Variants in CDK8 observed in about 807,000 individuals in gnomAD.
The protein encoded by CDK8 is cyclin dependent kinase 8.
In CDK8, 29 loss-of-function variants were observed where a neutral mutation model predicts 71.5. That is an observed-to-expected ratio of 0.41 (90% CI 0.30 to 0.55). The LOEUF (loss-of-function observed/expected upper bound fraction) is 0.55. Ranked by LOEUF, CDK8 falls within the 20% of genes least tolerant of loss-of-function variation. The pLI is 0.37. For missense variants in CDK8, 288 were observed against 572.6 expected, an observed-to-expected ratio of 0.50 and a Z score of 5.07; for synonymous variants, 161 against 192.1, an observed-to-expected ratio of 0.84 and a Z score of 1.34.
intron 1 of CDK8, among the ~76,000 whole-genome samples, chr13:26,329,145 T>C (rs1875169983): frequency 6.6e-6 from 1 of 152,184 alleles, no homozygotes. Flanking sequence ...TTTTAAAAAT[T>C]CCCTTTACCA....
intron 1 of CDK8, among the ~76,000 whole-genome samples, chr13:26,328,890 A>G (rs928048207): frequency 6.6e-6 from 1 of 152,012 alleles, no homozygotes; most frequent in Non-Finnish European, 1.5e-5. Flanking sequence ...CTGTTCTAGG[A>G]TATCTCCTCC....
rs140447197 is a variant in CDK8 at position 26,263,431 on chromosome 13, G to A, written c.128+8662G>A. ...TTACAGGCGTGAGCCACCGCGCCCG[G>A]CCGGGAGTAGGTATTACCTTTTTTT... On this transcript the variant is annotated intron_variant, in intron 1 of 12. Coordinates refer to ENST00000381527, the MANE Select transcript of CDK8 (RefSeq NM_001260.3). 1.7e-4 allele frequency among the ~76,000 whole-genome samples: 26 copies of A among 152,118 alleles called. 1 individual carries two copies. In the East Asian group the frequency reaches 5.0e-3, roughly 30 times the overall value.
chr13:26,254,622 C>T lies in CDK8; in HGVS notation c.-20C>T, dbSNP rs376467833. ...CCCCCGGCCCCCCGACCCAGCTCTC[C>T]GGCCTCAGAGGCTGTGACAATGGAC... is the stretch of plus-strand genomic sequence containing the variant. On this transcript the variant is annotated 5_prime_UTR_variant, in exon 1 of 13. Coordinates refer to ENST00000381527, the MANE Select transcript of CDK8 (RefSeq NM_001260.3). The surrounding 1 kb of genome is among the most constrained non-coding windows in gnomAD (Gnocchi z 6.7). 53 of 1,580,564 alleles carry T rather than the reference C, an allele frequency of 3.4e-5. 1 individual carries two copies. Among genetic ancestry groups the T allele is most frequent in the Non-Finnish European group, 4.4e-5 (51 of 1,164,094 alleles).
At chr13:26,288,571 A>G (rs1226849746) in intron 1 of CDK8, among the ~76,000 whole-genome samples, 7 of 151,588 alleles carry the variant, frequency 4.6e-5, no homozygotes, top group Non-Finnish European at 1.0e-4. Flanking sequence ...ATTTGCTTAT[A>G]AATTTCTACC....
intron 4 of CDK8, among the ~76,000 whole-genome samples, chr13:26,372,843 T>A (rs1874755098): frequency 6.6e-6 from 1 of 152,190 alleles, no homozygotes; most frequent in Non-Finnish European, 1.5e-5. Flanking sequence ...ACCATCACTC[T>A]CTTCTTTAAA....
chr13:26,294,852 C>T (rs1039917936), intron 1 of CDK8, among the ~76,000 whole-genome samples: 1 of 151,870 alleles, frequency 6.6e-6, no homozygotes, highest in Non-Finnish European at 1.5e-5. Flanking sequence ...TGGGTTCAAG[C>T]GATTACCCCG....
chr13:26,276,529 A>G (rs898681407), intron 1 of CDK8, among the ~76,000 whole-genome samples: 4 of 152,244 alleles, frequency 2.6e-5, no homozygotes, highest in Non-Finnish European at 5.9e-5. Context: ...TCCAGCTATC[A>G]TAAGGGCATA....
In CDK8 at chr13:26,366,011, T is replaced by C. The variant is rs529721398; in HGVS notation, c.456+12131T>C. Among the ~76,000 whole-genome samples, 44 of 152,248 alleles carry C rather than the reference T, an allele frequency of 2.9e-4. 1 individual carries two copies. The South Asian group carries it at 8.7e-3, about 30-fold the overall frequency. On this transcript the variant is annotated intron_variant, in intron 4 of 12. Coordinates refer to ENST00000381527, the MANE Select transcript of CDK8 (RefSeq NM_001260.3). ...AAAAATTAATATCTCAGTCTAACTT[T>C]CTAGTAATAGAGTCAGGTTTTAGAG...
At chr13:26,378,893 A>C (rs141777690) in intron 4 of CDK8, among the ~76,000 whole-genome samples, 1 of 152,348 alleles carries the variant, frequency 6.6e-6, no homozygotes, top group East Asian at 1.9e-4. Flanking sequence ...GGGCGAGTAG[A>C]ATATTGTTTC....
At chr13:26,276,556 T>C (rs766427520) in intron 1 of CDK8, among the ~76,000 whole-genome samples, 7 of 152,212 alleles carry the variant, frequency 4.6e-5, no homozygotes, top group Non-Finnish European at 8.8e-5. Context: ...ACATGTACTT[T>C]AATATATTTT....
intron 1 of CDK8, among the ~76,000 whole-genome samples, chr13:26,323,338 AGG>A (rs1300550069): frequency 0.21 from 1,123 of 5,442 alleles, 19 homozygotes; most frequent in East Asian, 0.49. Flanking sequence ...GGAGAGAGAG[AGG>A]GAGAGGGAGA....
chr13:26,333,011 C>T (rs1872823099), intron 1 of CDK8, among the ~76,000 whole-genome samples: 1 of 152,168 alleles, frequency 6.6e-6, no homozygotes. Context: ...ATGTGACAGG[C>T]CGTAGTCACA....
At position 26,309,240 on chromosome 13, in the gene CDK8, C is replaced by T. The variant is rs560798536; in HGVS notation, c.129-28327C>T. 7.2e-5 allele frequency among the ~76,000 whole-genome samples: 11 copies of T among 151,764 alleles called. No individual in the cohort carries two copies. The East Asian group carries it at 7.8e-4, about 11-fold the overall frequency. ...CTGCAAGCTCCGCCTCCCAGGTTCACGCCATTCTCCTGCCTCAGCCTCCCG... is the reference window on the plus strand; with the variant it reads ...CTGCAAGCTCCGCCTCCCAGGTTCATGCCATTCTCCTGCCTCAGCCTCCCG... On this transcript the variant is annotated intron_variant, in intron 1 of 12. Transcript: ENST00000381527.
At chr13:26,368,957 C>G (rs1387869841) in intron 4 of CDK8, among the ~76,000 whole-genome samples, 1 of 151,830 alleles carries the variant, frequency 6.6e-6, no homozygotes, top group Non-Finnish European at 1.5e-5. Flanking sequence ...TTTTCATTCA[C>G]TAGTAGATTC....
intron 1 of CDK8, among the ~76,000 whole-genome samples, chr13:26,321,468 T>C (rs1236042670): frequency 6.6e-6 from 1 of 152,138 alleles, no homozygotes; most frequent in Admixed American, 6.5e-5. Flanking sequence ...GTGGTGATGG[T>C]TGTACACATT....
At position 26,393,391 on chromosome 13, in the gene CDK8, T is replaced by A; in HGVS notation, c.671T>A (p.Phe224Tyr). 1.2e-6 allele frequency: 2 copies of A among 1,610,280 alleles called. No homozygotes were observed. The highest frequency in any genetic ancestry group is 1.7e-6 in the Non-Finnish European group (2 of 1,177,342). ...GATATTTGGGCTATAGGGTGTATAT[T>A]TGCAGAACTACTAACGTCAGAACCA... is the stretch of plus-strand genomic sequence containing the variant. The part of the protein sequence containing the change: ...AIDIWAIGCI[F>Y]AELLTSEPIF... Residue 224 changes from phenylalanine to tyrosine, a missense_variant, in exon 7 of 13, where the codon TTT (phenylalanine) becomes TAT (tyrosine). Physicochemically the swap from Phe to Tyr is conservative, Grantham distance 22 (BLOSUM62 3). Coordinates refer to ENST00000381527, the MANE Select transcript of CDK8 (RefSeq NM_001260.3).
Position 26,401,769 on chromosome 13 carries a change from A to G in CDK8, c.1269+145A>G. ...ACATGAAATGTTACTGGCATGGAAAAGTACTGACAGTGGTATGGTAGCAAG... is the reference window on the plus strand; with the variant it reads ...ACATGAAATGTTACTGGCATGGAAAGGTACTGACAGTGGTATGGTAGCAAG... On this transcript the variant is annotated intron_variant, in intron 12 of 12. Transcript: ENST00000381527. This position sits in a 1 kb window ranked among gnomAD's most constrained non-coding sequence, Gnocchi z 4.5. 1.2e-6 allele frequency: 1 copy of G among 840,536 alleles called. No individual in the cohort carries two copies. The highest frequency in any genetic ancestry group is 2.6e-5 in the East Asian group (1 of 38,754). 52.1% of individuals were successfully genotyped at this position (840,536 alleles called of 1,614,324 possible).
intron 1 of CDK8, among the ~76,000 whole-genome samples, chr13:26,331,501 T>C (rs1404853655): frequency 1.3e-5 from 2 of 152,210 alleles, no homozygotes; most frequent in Non-Finnish European, 2.9e-5. Flanking sequence ...GTCTTAGTTA[T>C]AAATTCTTTG....
At chr13:26,266,571 C>T (rs1872028555) in intron 1 of CDK8, among the ~76,000 whole-genome samples, 1 of 152,122 alleles carries the variant, frequency 6.6e-6, no homozygotes, top group African/African-American at 2.4e-5. Context: ...GGAAGTGTCA[C>T]ATGTGGCTCA....
Sources: gnomAD v4.1 joint callset for allele counts (sites outside exome capture counted in the v4.1 genomes callset) on GRCh38, gnomAD v4.1.1 for gene constraint, Gnocchi (gnomAD v3.1) non-coding constraint, MANE v1.5 for transcripts, NCBI Gene and HGNC (gene_info 2026-07-23, HGNC 2026-07-21) for gene names.